KMT2E: variants seen among roughly 807,000 people sequenced by gnomAD.
KMT2E encodes the protein histone reader KMT2E.
Under a neutral mutation model 184.6 loss-of-function variants are expected in KMT2E, and 30 were observed. That is an observed-to-expected ratio of 0.16 (90% CI 0.12 to 0.22). The LOEUF (loss-of-function observed/expected upper bound fraction) is 0.22, where lower values mean the gene tolerates loss of function less well. Ranked by LOEUF, KMT2E falls within the 10% of genes least tolerant of loss-of-function variation. The pLI is 1.00. For missense variants in KMT2E, 2,023 were observed against 2,237.4 expected (o/e 0.90, Z 1.93); for synonymous variants, 815 against 776.5 (o/e 1.05, Z -0.82).
At chr7:105,105,770 A>C (rs1798872383) in intron 18 of KMT2E, 77 bp downstream of exon 18, 1 of 1,560,670 alleles carries the variant, frequency 6.4e-7, no homozygotes. Context: ...CATGGTAGTG[A>C]AATGCTTTTG....
intron 1 of KMT2E, among the ~76,000 whole-genome samples, chr7:105,028,096 C>T (rs1322863563): frequency 6.6e-6 from 1 of 151,550 alleles, no homozygotes; most frequent in Non-Finnish European, 1.5e-5. Flanking sequence ...TACACTGTGT[C>T]TACATATCGT....
At chr7:105,030,996 G>A (rs1338536677) in intron 1 of KMT2E, among the ~76,000 whole-genome samples, 1 of 152,174 alleles carries the variant, frequency 6.6e-6, no homozygotes, top group Non-Finnish European at 1.5e-5. Context: ...ATTCAAAATA[G>A]TGATAGAAAG....
intron 3 of KMT2E, among the ~76,000 whole-genome samples, chr7:105,054,639 C>T (rs764955477): frequency 3.3e-5 from 5 of 151,978 alleles, no homozygotes; most frequent in African/African-American, 9.7e-5. Context: ...CTCAGCCTCC[C>T]GAGTAGCTGG....
intron 1 of KMT2E, among the ~76,000 whole-genome samples, chr7:105,028,818 T>A (rs1256002890): frequency 1.3e-5 from 2 of 152,110 alleles, no homozygotes; most frequent in Non-Finnish European, 2.9e-5. Flanking sequence ...ACTGAGACAT[T>A]TCCTAGGGTC....
Position 105,063,410 on chromosome 7 carries a change from C to G in KMT2E, c.246C>G (p.Val82=), listed in dbSNP as rs149314039. ...PTPPASPPPS[V]LISKNEVGIF... ...CTCCGGCTTCCCCTCCTCCATCAGT[C>G]CTTATTAGCAAAAATGAAGTAGGCA... Residue 82 remains valine, a synonymous_variant, in exon 5 of 27, where the codon GTC becomes GTG. Transcript: ENST00000311117. The G allele has an allele frequency of 1.7e-5, 28 of 1,613,626 alleles. 1 individual carries two copies. The Middle Eastern group carries it at 2.8e-3, about 162-fold the overall frequency.
chr7:105,081,370 T>A (rs113373794), intron 12 of KMT2E, among the ~76,000 whole-genome samples: 6,418 of 151,918 alleles, frequency 0.042, 475 homozygotes, highest in African/African-American at 0.15. Flanking sequence ...GGCGAAAGTG[T>A]GAGACTCGTC....
intron 13 of KMT2E, among the ~76,000 whole-genome samples, chr7:105,086,261 G>C (rs1797959370): frequency 6.6e-6 from 1 of 152,108 alleles, no homozygotes; most frequent in Non-Finnish European, 1.5e-5. Context: ...CTCCATGGTA[G>C]GAACATAGTA....
At chr7:105,079,324 CGGGG>C (rs1220240160) in intron 12 of KMT2E, among the ~76,000 whole-genome samples, 1 of 151,042 alleles carries the variant, frequency 6.6e-6, no homozygotes, top group Non-Finnish European at 1.5e-5. Flanking sequence ...TTAGTAGGGA[CGGGG>C]TTTCACCATT....
intron 13 of KMT2E, among the ~76,000 whole-genome samples, chr7:105,087,173 A>AAT (rs959227223): frequency 6.8e-6 from 1 of 146,976 alleles, no homozygotes; most frequent in Non-Finnish European, 1.5e-5. Flanking sequence ...TATATAATAA[A>AAT]ATATATATTA....
At chr7:105,041,973 T>A (rs1795901591) in intron 3 of KMT2E, among the ~76,000 whole-genome samples, 1 of 152,148 alleles carries the variant, frequency 6.6e-6, no homozygotes, top group African/African-American at 2.4e-5. Flanking sequence ...TAAAGTACTG[T>A]CCTTGCATTG....
At chr7:105,041,385 T>C (rs887058606) in intron 3 of KMT2E, among the ~76,000 whole-genome samples, 6 of 152,184 alleles carry the variant, frequency 3.9e-5, no homozygotes, top group African/African-American at 1.2e-4. Context: ...GAGTCATTAA[T>C]TTGTTGGTGC....
chr7:105,018,638 T>C (rs895646844), intron 1 of KMT2E, among the ~76,000 whole-genome samples: 2 of 152,158 alleles, frequency 1.3e-5, no homozygotes, highest in East Asian at 1.9e-4. Context: ...AAAATTAATT[T>C]TTATGTTGAC....
chr7:105,109,409 G>GT (rs1799076684), intron 23 of KMT2E, among the ~76,000 whole-genome samples, 181 bp downstream of exon 23: 2 of 152,168 alleles, frequency 1.3e-5, no homozygotes, highest in Admixed American at 1.3e-4. Context: ...AATGTCGATT[G>GT]TATTTATTCC....
intron 13 of KMT2E, among the ~76,000 whole-genome samples, chr7:105,087,321 T>C (rs1259433914): frequency 7.0e-6 from 1 of 143,076 alleles, no homozygotes; most frequent in Non-Finnish European, 1.5e-5. Context: ...AAATATAGCA[T>C]ATATTACATA....
intron 6 of KMT2E, among the ~76,000 whole-genome samples, chr7:105,067,056 CT>C (rs1394127003): frequency 2.1e-5 from 1 of 47,476 alleles, no homozygotes. Flanking sequence ...AACCCAGTCT[CT>C]TTTTTTTTTA....
intron 12 of KMT2E, among the ~76,000 whole-genome samples, 173 bp downstream of exon 12, chr7:105,079,136 C>CT (rs375440773): frequency 0.012 from 1,673 of 135,670 alleles, 26 homozygotes; most frequent in East Asian, 0.067. Flanking sequence ...GCTATGAAGT[C>CT]TTTTTTTTTT....
chr7:105,077,245 TTTAG>T, intron 10 of KMT2E, 52 bp downstream of exon 10: 1 of 1,603,062 alleles, frequency 6.2e-7, no homozygotes, highest in East Asian at 2.2e-5. Context: ...ATTGTGAATT[TTTAG>T]TTAAACTGAA....
At chr7:105,098,393 C>T (rs1157128465) in intron 15 of KMT2E, among the ~76,000 whole-genome samples, 1 of 151,886 alleles carries the variant, frequency 6.6e-6, no homozygotes, top group Non-Finnish European at 1.5e-5. Context: ...GTGCATGCTA[C>T]CATGTTCCAC....
At chr7:105,065,489 C>T (rs1402489977) in intron 5 of KMT2E, among the ~76,000 whole-genome samples, 1 of 152,138 alleles carries the variant, frequency 6.6e-6, no homozygotes, top group Non-Finnish European at 1.5e-5. Flanking sequence ...TCCCTCCTTT[C>T]CCTGGGGTAT....
Sources: gnomAD v4.1 joint callset for allele counts (sites outside exome capture counted in the v4.1 genomes callset) on GRCh38, gnomAD v4.1.1 for gene constraint, MANE v1.5 for transcripts, NCBI Gene and HGNC (gene_info 2026-07-23, HGNC 2026-07-21) for gene names.